F13A1: variants seen among roughly 807,000 people sequenced by gnomAD.
F13A1 encodes coagulation factor XIII A chain.
F13A1 carries 47 observed loss-of-function variants against 80.1 expected under a neutral mutation model. That is an observed-to-expected ratio of 0.59 (90% CI 0.46 to 0.75). The LOEUF is 0.75. F13A1 is among the 30% of genes least tolerant of loss of function. F13A1 has a pLI of 0.00. For synonymous variants in F13A1, 349 were observed against 344.9 expected (o/e 1.01, Z -0.13); for missense variants, 817 against 930.4 (o/e 0.88, Z 1.59).
chr6:6,256,793 G>T (rs1757709826), intron 4 of F13A1, among the ~76,000 whole-genome samples: 1 of 152,126 alleles, frequency 6.6e-6, no homozygotes, highest in South Asian at 2.1e-4. Flanking sequence ...ATTCATCATT[G>T]CATGGGCTGA....
chr6:6,197,523 C>T (rs543908040), intron 8 of F13A1, among the ~76,000 whole-genome samples, 197 bp from the exon 9 acceptor site: 3 of 152,174 alleles, frequency 2.0e-5, no homozygotes, highest in South Asian at 4.2e-4. Flanking sequence ...ACTAAAAATA[C>T]AAAAATTAGC....
At chr6:6,239,903 C>A (rs1438970394) in intron 6 of F13A1, among the ~76,000 whole-genome samples, 3 of 152,022 alleles carry the variant, frequency 2.0e-5, no homozygotes, top group Non-Finnish European at 4.4e-5. Context: ...CAGGAGGAGA[C>A]AGGGGAAAGA....
At chr6:6,152,671 T>A (rs1326126259) in intron 13 of F13A1, among the ~76,000 whole-genome samples, 1 of 152,194 alleles carries the variant, frequency 6.6e-6, no homozygotes, top group Non-Finnish European at 1.5e-5. Context: ...TCAGTTTTCT[T>A]GTCTTTAAAA....
In F13A1 at chr6:6,250,936, C is replaced by T. The variant is rs376461669; in HGVS notation, c.572-7G>A. The T allele has an allele frequency of 1.6e-5, 26 of 1,577,830 alleles. No homozygotes were observed. Among genetic ancestry groups the T allele is most frequent in the Non-Finnish European group, 2.2e-5 (25 of 1,148,010 alleles). ...TCCAGATACACAGCATCATCTGCATCAGGGTTTAAACATAGTGACTATTAC... is the reference window on the plus strand; with the variant it reads ...TCCAGATACACAGCATCATCTGCATTAGGGTTTAAACATAGTGACTATTAC... On this transcript the variant is annotated splice_region_variant and splice_polypyrimidine_tract_variant and intron_variant, in intron 4 of 14. Transcript: ENST00000264870. The surrounding 1 kb of genome is among the most constrained non-coding windows in gnomAD (Gnocchi z 4.2).
intron 3 of F13A1, among the ~76,000 whole-genome samples, chr6:6,295,069 T>C (rs12179902): frequency 0.066 from 9,612 of 146,132 alleles, 1,080 homozygotes; most frequent in African/African-American, 0.21. Context: ...ACAAAGGACA[T>C]GAACTCATCC....
At chr6:6,270,639 G>A (rs1757908476) in intron 3 of F13A1, among the ~76,000 whole-genome samples, 1 of 152,232 alleles carries the variant, frequency 6.6e-6, no homozygotes, top group Admixed American at 6.5e-5. Context: ...ACATCACATA[G>A]CTAGGCAGAA....
chr6:6,305,399 G>A lies in F13A1; in HGVS notation c.271C>T (p.Arg91Cys), dbSNP rs775055566. The A allele has an allele frequency of 4.3e-6, 7 of 1,614,074 alleles. No individual in the cohort carries two copies. The highest frequency in any genetic ancestry group is 3.3e-5 in the Admixed American group (2 of 60,008). Reference sequence around the variant, plus strand: ...AGATCCCTTCTGGGGTCATATGGACGACTGAAGTCAATCTGCACATAGAAA... The same window carrying A: ...AGATCCCTTCTGGGGTCATATGGACAACTGAAGTCAATCTGCACATAGAAA... ...QSFYVQIDFS[R>C]PYDPRRDLFR... Residue 91 changes from arginine to cysteine, a missense_variant, in exon 3 of 15, where the codon CGT becomes TGT. By Grantham distance (180) the Arg-to-Cys change is radical (BLOSUM62 -3). Transcript: ENST00000264870.
chr6:6,170,039 T>A (rs3799562), intron 12 of F13A1, among the ~76,000 whole-genome samples: 31,042 of 152,136 alleles, frequency 0.2, 3,790 homozygotes, highest in East Asian at 0.52. Flanking sequence ...CCCCTTGCAA[T>A]TAATTGTTTA....
intron 13 of F13A1, among the ~76,000 whole-genome samples, chr6:6,154,849 A>G (rs1044826990): frequency 6.6e-6 from 1 of 152,238 alleles, no homozygotes; most frequent in African/African-American, 2.4e-5. Context: ...TCTAAACTGA[A>G]GAAGATGGAG....
chr6:6,182,260 C>T (rs1583059258), intron 10 of F13A1, 119 bp from the exon 11 acceptor site: 1 of 1,089,982 alleles, frequency 9.2e-7, no homozygotes, highest in East Asian at 2.4e-5. Flanking sequence ...CTTTCTTCAA[C>T]AACATTGGAT....
In F13A1 at chr6:6,242,848, A is replaced by G. The variant is rs74515856; in HGVS notation, c.798+5464T>C. On this transcript the variant is annotated intron_variant, in intron 6 of 14. Coordinates refer to ENST00000264870, the MANE Select transcript of F13A1 (RefSeq NM_000129.4). ...AGACATTCTTCTATCTTTTGATCCA[A>G]TGTTTAGTCCTGGGAAACCTTTGAG... Among the ~76,000 whole-genome samples the G allele has an allele frequency of 1.0e-3, 159 of 152,268 alleles. 2 individuals carry two copies. Among genetic ancestry groups the G allele is most frequent in the African/African-American group, 3.6e-3 (148 of 41,556 alleles).
chr6:6,201,841 A>T (rs554399859), intron 8 of F13A1, among the ~76,000 whole-genome samples: 86 of 152,068 alleles, frequency 5.7e-4, no homozygotes, highest in Middle Eastern at 3.4e-3. Context: ...TTTTTCTCAG[A>T]TATTTAGCAT....
intron 3 of F13A1, among the ~76,000 whole-genome samples, chr6:6,298,532 T>G (rs1324694711): frequency 6.7e-6 from 1 of 149,704 alleles, no homozygotes; most frequent in Non-Finnish European, 1.5e-5. Context: ...TGATCTTTGT[T>G]GGTTTGAAGT....
At chr6:6,292,836 C>T (rs904679490) in intron 3 of F13A1, among the ~76,000 whole-genome samples, 1 of 152,180 alleles carries the variant, frequency 6.6e-6, no homozygotes, top group East Asian at 1.9e-4. Context: ...GCCCAGCACA[C>T]ATGACTGCGG....
chr6:6,219,857 A>T (rs1757166141), intron 8 of F13A1, among the ~76,000 whole-genome samples: 1 of 152,212 alleles, frequency 6.6e-6, no homozygotes, highest in Non-Finnish European at 1.5e-5. Context: ...ACTTGGGTTG[A>T]TGGAAACATA....
intron 13 of F13A1, among the ~76,000 whole-genome samples, chr6:6,159,191 G>A (rs184114692): frequency 3.3e-5 from 5 of 152,064 alleles, no homozygotes; most frequent in South Asian, 2.1e-4. Context: ...TTGAGCCACC[G>A]TGCCCAGTGG....
At chr6:6,278,563 G>A (rs1758019573) in intron 3 of F13A1, among the ~76,000 whole-genome samples, 1 of 152,044 alleles carries the variant, frequency 6.6e-6, no homozygotes, top group East Asian at 1.9e-4. Flanking sequence ...TGGGGCAGAG[G>A]GAATTGTGGG....
chr6:6,182,985 T>TG (rs563313678), intron 10 of F13A1, among the ~76,000 whole-genome samples: 202 of 152,284 alleles, frequency 1.3e-3, no homozygotes, highest in Non-Finnish European at 2.6e-3. Context: ...AATAGTGTCT[T>TG]GGGGCCATGC....
chr6:6,155,101 A>G (rs1760449666), intron 13 of F13A1, among the ~76,000 whole-genome samples: 1 of 152,212 alleles, frequency 6.6e-6, no homozygotes, highest in South Asian at 2.1e-4. Flanking sequence ...AGACCTATGA[A>G]GTCCATACAT....
Sources: gnomAD v4.1 joint callset for allele counts (sites outside exome capture counted in the v4.1 genomes callset) on GRCh38, gnomAD v4.1.1 for gene constraint, Gnocchi (gnomAD v3.1) non-coding constraint, MANE v1.5 for transcripts, NCBI Gene and HGNC (gene_info 2026-07-23, HGNC 2026-07-21) for gene names.